The following PHF14 variants were observed in gnomAD, a reference collection of about 807,000 sequenced individuals.
PHF14 encodes the protein PHD finger protein 14.
In PHF14, 55 loss-of-function variants were observed where a neutral mutation model predicts 117.9. That is an observed-to-expected ratio of 0.47 (90% CI 0.38 to 0.58). The LOEUF is 0.58. Ranked by LOEUF, PHF14 falls within the 20% of genes least tolerant of loss-of-function variation. PHF14 has a pLI of 0.00. For missense variants in PHF14, 978 were observed against 1,122.2 expected, an observed-to-expected ratio of 0.87 and a Z score of 1.84; for synonymous variants, 409 against 368.6, an observed-to-expected ratio of 1.11 and a Z score of -1.26.
chr7:11,002,550 T>C (rs1441044582), intron 4 of PHF14, among the ~76,000 whole-genome samples: 1 of 152,122 alleles, frequency 6.6e-6, no homozygotes, highest in East Asian at 1.9e-4. Context: ...GCAATTCTCC[T>C]GTCTCAGCCT....
intron 7 of PHF14, among the ~76,000 whole-genome samples, chr7:11,030,192 G>T (rs1304221519): frequency 6.6e-6 from 1 of 151,284 alleles, no homozygotes; most frequent in Non-Finnish European, 1.5e-5. Context: ...ATACGGTAAA[G>T]GTAGTCTGGA....
intron 4 of PHF14, among the ~76,000 whole-genome samples, chr7:10,999,550 T>C (rs1782784483): frequency 6.6e-6 from 1 of 152,196 alleles, no homozygotes; most frequent in Non-Finnish European, 1.5e-5. Flanking sequence ...CATGTTTTGC[T>C]CCTTGGACTC....
At chr7:11,124,713 G>C (rs925034908) in intron 17 of PHF14, among the ~76,000 whole-genome samples, 4 of 151,922 alleles carry the variant, frequency 2.6e-5, no homozygotes, top group Non-Finnish European at 5.9e-5. Context: ...TGACTCTAGA[G>C]CCTGTGTTTT....
At chr7:11,010,783 T>C (rs1783328510) in intron 4 of PHF14, among the ~76,000 whole-genome samples, 1 of 152,096 alleles carries the variant, frequency 6.6e-6, no homozygotes, top group Non-Finnish European at 1.5e-5. Context: ...TTCTAGCACC[T>C]GAGACTACCG....
chr7:11,056,329 G>T (rs1450065753), intron 14 of PHF14, among the ~76,000 whole-genome samples: 1 of 152,142 alleles, frequency 6.6e-6, no homozygotes, highest in African/African-American at 2.4e-5. Flanking sequence ...CATTATCTCT[G>T]AGAAGGTTTT....
intron 14 of PHF14, among the ~76,000 whole-genome samples, chr7:11,061,086 C>G (rs1184411686): frequency 6.6e-6 from 1 of 152,084 alleles, no homozygotes; most frequent in East Asian, 1.9e-4. Context: ...GAACAGTGGT[C>G]TGCATATGGG....
At chr7:11,156,667 C>T (rs964162354) in intron 17 of PHF14, among the ~76,000 whole-genome samples, 6 of 151,748 alleles carry the variant, frequency 4.0e-5, no homozygotes, top group Admixed American at 3.9e-4. Flanking sequence ...TAGTGGCAGG[C>T]GCCTGTAATC....
At chr7:11,078,445 A>T (rs1441430853) in intron 16 of PHF14, among the ~76,000 whole-genome samples, 1 of 152,188 alleles carries the variant, frequency 6.6e-6, no homozygotes, top group Admixed American at 6.5e-5. Context: ...GAGAGGCTGT[A>T]TAACCATGAG....
At chr7:11,003,335 TG>T (rs1304781404) in intron 4 of PHF14, among the ~76,000 whole-genome samples, 1 of 152,204 alleles carries the variant, frequency 6.6e-6, no homozygotes, top group East Asian at 1.9e-4. Flanking sequence ...CTCCAGTGTT[TG>T]GGGGCTTTCA....
At chr7:11,110,818 CTACTT>C (rs1243973707) in intron 16 of PHF14, among the ~76,000 whole-genome samples, 3 of 151,930 alleles carry the variant, frequency 2.0e-5, no homozygotes, top group African/African-American at 4.8e-5. Flanking sequence ...CACTTACAAT[CTACTT>C]TAACTTGAAG....
intron 7 of PHF14, 74 bp downstream of exon 7, chr7:11,028,892 G>A (rs1784021755): frequency 8.2e-7 from 1 of 1,216,056 alleles, no homozygotes; most frequent in Non-Finnish European, 1.2e-6. Context: ...TATAATAAGT[G>A]TAAATAATAA....
At chr7:11,037,597 TAAA>T (rs750992764) in intron 10 of PHF14, among the ~76,000 whole-genome samples, 7 of 152,212 alleles carry the variant, frequency 4.6e-5, no homozygotes, top group Non-Finnish European at 8.8e-5. Context: ...ATGTTTGGAA[TAAA>T]AATTTCCAAA....
chr7:11,104,952 C>G (rs1352516792), intron 16 of PHF14: 3 of 944,860 alleles, frequency 3.2e-6, no homozygotes, highest in Non-Finnish European at 3.8e-6. Flanking sequence ...CTTAAAAGGT[C>G]CCTTAGATTT....
intron 16 of PHF14, among the ~76,000 whole-genome samples, chr7:11,075,256 G>A (rs1785788557): frequency 1.3e-5 from 2 of 151,968 alleles, no homozygotes; most frequent in South Asian, 2.1e-4. Context: ...CATCTTTATA[G>A]CAACACTACA....
intron 5 of PHF14, among the ~76,000 whole-genome samples, chr7:11,017,938 T>A (rs1311664051): frequency 6.6e-6 from 1 of 152,172 alleles, no homozygotes; most frequent in Non-Finnish European, 1.5e-5. Flanking sequence ...TTGATTTTTG[T>A]ATATGGCAAG....
At chr7:10,981,440 T>C (rs566617036) in intron 2 of PHF14, among the ~76,000 whole-genome samples, 2 of 152,316 alleles carry the variant, frequency 1.3e-5, no homozygotes, top group African/African-American at 4.8e-5. Context: ...GATTACTGAG[T>C]ACTTACTGAG....
At chr7:11,124,058 T>C (rs146213497) in intron 17 of PHF14, among the ~76,000 whole-genome samples, 2 of 128,484 alleles carry the variant, frequency 1.6e-5, no homozygotes, top group African/African-American at 5.0e-5. Context: ...CCTTTTCTTT[T>C]TTCTAACTCC....
chr7:11,051,010 ATTTAAAGAAAAGTCATGCT>A (rs1438452213), intron 13 of PHF14, among the ~76,000 whole-genome samples: 1 of 152,148 alleles, frequency 6.6e-6, no homozygotes, highest in Non-Finnish European at 1.5e-5. Context: ...AGTATATGTC[ATTTAAAGAAAAGTCATGCT>A]TTCCAAAGGT....
At chr7:11,008,452 G>T (rs1168843759) in intron 4 of PHF14, among the ~76,000 whole-genome samples, 1 of 152,142 alleles carries the variant, frequency 6.6e-6, no homozygotes, top group African/African-American at 2.4e-5. Flanking sequence ...TCCACCTCCT[G>T]TCGGATCAGT....
Sources: allele counts gnomAD v4.1 joint callset (sites outside exome capture counted in the v4.1 genomes callset), GRCh38; gene constraint gnomAD v4.1.1; transcripts MANE v1.5; gene names NCBI Gene and HGNC (gene_info 2026-07-23, HGNC 2026-07-21).